MROH9: variants seen among roughly 807,000 people sequenced by gnomAD.
MROH9 encodes the protein maestro heat-like repeat-containing protein family member 9.
MROH9 carries 92 observed loss-of-function variants against 98.2 expected under a neutral mutation model. The observed-to-expected ratio is 0.94, with a 90% CI of 0.79 to 1.11. The LOEUF is 1.11. MROH9 is among the 50% of genes most tolerant of loss of function. The pLI is 0.00. For missense variants in MROH9, 1,057 were observed against 1,014.8 expected (o/e 1.04, Z -0.57); for synonymous variants, 397 against 368.9 (o/e 1.08, Z -0.87).
chr1:170,958,571 A>C, intron 4 of MROH9, 31 bp downstream of exon 4: 1 of 1,383,998 alleles, frequency 7.2e-7, no homozygotes, highest in Non-Finnish European at 1.0e-6. Flanking sequence ...CTTTTATTTC[A>C]CTAATTGGAT....
chr1:170,986,811 CATTGTTCATTATATGACTTCAATATAATG>C, intron 10 of MROH9, 101 bp downstream of exon 10: 3 of 1,280,782 alleles, frequency 2.3e-6, no homozygotes, highest in Non-Finnish European at 1.1e-6. Context: ...TATTTCTTGT[CATTGTTCATTATATGACTTCAATATAATG>C]AGGCTTTTGG....
chr1:170,941,439 A>T (rs972817238), intron 1 of MROH9, among the ~76,000 whole-genome samples: 1 of 152,120 alleles, frequency 6.6e-6, no homozygotes, highest in Non-Finnish European at 1.5e-5. Flanking sequence ...TTGACCTAGA[A>T]CTTTTATGCT....
rs150647153 is a variant in MROH9 at position 171,016,061 on chromosome 1, G to T, written c.1735-102G>T. ...AAGAGATTTTCGTGAGTCGGCTTCCGCACACCATGATGTGCCGCCCAGACT... is the reference window on the plus strand; with the variant it reads ...AAGAGATTTTCGTGAGTCGGCTTCCTCACACCATGATGTGCCGCCCAGACT... On this transcript the variant is annotated intron_variant, in intron 16 of 21. Transcript: ENST00000367759. 3.8e-5 allele frequency: 28 copies of T among 735,150 alleles called. 1 individual carries two copies. In the East Asian group the frequency reaches 9.2e-4, roughly 24 times the overall value. 45.5% of individuals were successfully genotyped at this position (735,150 alleles called of 1,614,324 possible).
chr1:170,970,731 T>TGAGAGAGAGAGAGAGAGA (rs1199063303), intron 7 of MROH9, among the ~76,000 whole-genome samples: 4 of 90,798 alleles, frequency 4.4e-5, no homozygotes, highest in African/African-American at 1.7e-4. Context: ...TGTGTGTGTG[T>TGAGAGAGAGAGAGAGAGA]GAGAGAGAGA....
intron 3 of MROH9, among the ~76,000 whole-genome samples, chr1:170,951,858 G>A (rs1649565500): frequency 6.6e-6 from 1 of 152,138 alleles, no homozygotes; most frequent in Non-Finnish European, 1.5e-5. Flanking sequence ...GCTATAAAGT[G>A]AGAGCACCTT....
chr1:171,027,096 A>G (rs1012264193), intron 20 of MROH9, among the ~76,000 whole-genome samples: 1 of 150,814 alleles, frequency 6.6e-6, no homozygotes, highest in Non-Finnish European at 1.5e-5. Flanking sequence ...TCCTTCTTCC[A>G]AAAAAAAATG....
intron 15 of MROH9, among the ~76,000 whole-genome samples, chr1:171,000,680 G>A (rs1651754645): frequency 6.6e-6 from 1 of 152,050 alleles, no homozygotes; most frequent in African/African-American, 2.4e-5. Flanking sequence ...TGCTCATCAA[G>A]GATATTGGTC....
At chr1:171,012,943 G>T (rs1431975137) in intron 15 of MROH9, among the ~76,000 whole-genome samples, 1 of 152,052 alleles carries the variant, frequency 6.6e-6, no homozygotes, top group Admixed American at 6.5e-5. Flanking sequence ...TGGCCTGCAG[G>T]TTCTGTCCCA....
rs2101842342 is a variant in MROH9, at chr1:171,024,685, T to A, written c.2098T>A (p.Leu700Ile). ...TACATTAAAAATCTGTACCTCACAATTAAAGTGGTCAACATCACGTTTGCT... is the reference window on the plus strand; with the variant it reads ...TACATTAAAAATCTGTACCTCACAAATAAAGTGGTCAACATCACGTTTGCT... ...KYTLKICTSQ[L>I]KWSTSRLLKD... Residue 700 changes from leucine to isoleucine, a missense_variant, in exon 19 of 22, where the codon TTA (leucine) becomes ATA (isoleucine). Physicochemically the swap from Leu to Ile is conservative, Grantham distance 5. Transcript: ENST00000367759. 6.4e-7 allele frequency: 1 copy of A among 1,551,274 alleles called. No homozygotes were observed. The highest frequency in any genetic ancestry group is 1.2e-5 in the South Asian group (1 of 84,044).
intron 21 of MROH9, among the ~76,000 whole-genome samples, chr1:171,063,390 C>T (rs911759958): frequency 6.6e-5 from 10 of 151,190 alleles, no homozygotes; most frequent in African/African-American, 2.4e-4. Context: ...GTAAGTGGGA[C>T]GACAGGCACA....
At chr1:170,970,731 T>A (rs201991431) in intron 7 of MROH9, among the ~76,000 whole-genome samples, 6,176 of 89,974 alleles carry the variant, frequency 0.069, 186 homozygotes, top group African/African-American at 0.1. Flanking sequence ...TGTGTGTGTG[T>A]GAGAGAGAGA....
intron 1 of MROH9, among the ~76,000 whole-genome samples, chr1:170,936,596 C>A (rs769718514): frequency 2.0e-5 from 3 of 152,162 alleles, no homozygotes; most frequent in South Asian, 2.1e-4. Context: ...CAGTTTGACA[C>A]GTAATATTAA....
At chr1:170,978,784 G>A (rs564528714) in intron 8 of MROH9, among the ~76,000 whole-genome samples, 1 of 152,234 alleles carries the variant, frequency 6.6e-6, no homozygotes, top group African/African-American at 2.4e-5. Context: ...AGACCTGTGT[G>A]GAAAATAGCC....
chr1:171,041,586 T>C (rs1041145150), intron 20 of MROH9, among the ~76,000 whole-genome samples: 4 of 151,730 alleles, frequency 2.6e-5, no homozygotes, highest in African/African-American at 9.7e-5. Context: ...ATTAGATACC[T>C]AGTAGTAAGA....
At chr1:170,947,400 G>A in intron 2 of MROH9, 127 bp from the exon 3 acceptor site, 2 of 709,142 alleles carry the variant, frequency 2.8e-6, no homozygotes, top group South Asian at 1.8e-5. Flanking sequence ...TTTAGTGTGT[G>A]TGTGCATGTC....
At chr1:171,036,144 T>C (rs142426999) in intron 20 of MROH9, among the ~76,000 whole-genome samples, 16 of 152,198 alleles carry the variant, frequency 1.1e-4, no homozygotes, top group Admixed American at 3.3e-4. Flanking sequence ...ATTGTACAAT[T>C]CCATTGATAT....
chr1:170,976,939 GTTTCTTTTT>G lies in MROH9; in HGVS notation c.616+5071_616+5079del, dbSNP rs1316076517. 4.6e-5 allele frequency among the ~76,000 whole-genome samples: 7 copies of G among 151,846 alleles called. No homozygotes were observed. The South Asian group carries it at 6.2e-4, about 14-fold the overall frequency. On this transcript the variant is annotated intron_variant, in intron 8 of 21. Transcript: ENST00000367759. ...GTTTTGTTCTTTCCTTTACATTCTGGTTTCTTTTTTTTCTTTTTTTTCTGACTGCCTTAA... is the reference window on the plus strand; with the variant it reads ...GTTTTGTTCTTTCCTTTACATTCTGGTTTCTTTTTTTTCTGACTGCCTTAA...
intron 4 of MROH9, among the ~76,000 whole-genome samples, chr1:170,959,232 A>G (rs9426916): frequency 0.079 from 12,078 of 151,966 alleles, 602 homozygotes; most frequent in Non-Finnish European, 0.11. Context: ...AAAATTAGCC[A>G]GGCGTGGTGG....
chr1:170,945,579 CA>C lies in MROH9; in HGVS notation c.25del (p.Lys9ArgfsTer11). 6.2e-7 allele frequency: 1 copy of C among 1,611,778 alleles called. No homozygotes were observed. Among genetic ancestry groups the C allele is most frequent in the Non-Finnish European group, 8.5e-7 (1 of 1,178,750 alleles). MLTRNPK[T>X]KSSLQILQDS... Reference sequence around the variant, plus strand: ...AGCATGTTGACAAGGAATCCAAAAACAAGTAAGGCTTTAGGACACAATAGAG... The same window carrying C: ...AGCATGTTGACAAGGAATCCAAAAACAGTAAGGCTTTAGGACACAATAGAG... On this transcript the variant is annotated frameshift_variant and splice_region_variant, in exon 2 of 22. Coordinates refer to ENST00000367759, the MANE Select transcript of MROH9 (RefSeq NM_001163629.2). LOFTEE classifies it high-confidence loss of function.
Sources: gnomAD v4.1 joint callset for allele counts (sites outside exome capture counted in the v4.1 genomes callset) on GRCh38, gnomAD v4.1.1 for gene constraint, MANE v1.5 for transcripts, NCBI Gene and HGNC (gene_info 2026-07-23, HGNC 2026-07-21) for gene names.